RPL37: variants seen among roughly 807,000 people sequenced by gnomAD.
The protein encoded by RPL37 is ribosomal protein L37.
Under a neutral mutation model 14.8 loss-of-function variants are expected in RPL37, and 1 was observed. That is an observed-to-expected ratio of 0.07 (90% CI 0.02 to 0.32). The LOEUF is 0.32. Ranked by LOEUF, RPL37 falls within the 10% of genes least tolerant of loss-of-function variation. The pLI, the probability that RPL37 is intolerant of heterozygous loss-of-function variation, is 1.00. For missense variants in RPL37, 100 were observed against 128.3 expected (o/e 0.78, Z 1.06); for synonymous variants, 53 against 45.8 (o/e 1.16, Z -0.63).
rs1745659100 is a variant in RPL37 at position 40,832,321 on chromosome 5, T to G, written c.*183A>C. 3.1e-6 allele frequency: 2 copies of G among 648,168 alleles called. No individual in the cohort carries two copies. Among genetic ancestry groups the G allele is most frequent in the African/African-American group, 3.6e-5 (2 of 55,372 alleles). The allele number at this position is 648,168 out of a possible 1,614,324, so 40.2% of individuals were successfully genotyped here. ...GCCTTTAACCGTGTTACAAACCCAGTCCAAAAGTAAACATTCCAAAACAGT... is the reference window on the plus strand; with the variant it reads ...GCCTTTAACCGTGTTACAAACCCAGGCCAAAAGTAAACATTCCAAAACAGT... On this transcript the variant is annotated 3_prime_UTR_variant, in exon 4 of 4. Transcript: ENST00000274242.
chr5:40,833,185 T>C (rs944715792), intron 3 of RPL37, among the ~76,000 whole-genome samples: 8 of 152,194 alleles, frequency 5.3e-5, no homozygotes, highest in African/African-American at 1.7e-4. Flanking sequence ...AACACACCTA[T>C]GGGTGTCTAC....
rs1419936081 is a variant in RPL37, at chr5:40,832,434, T to C, written c.*70A>G. Reference sequence around the variant, plus strand: ...TACTACAAGCCTAATTGATTAAAAATACCTTACCAAAACCAGATATGTATT... The same window carrying C: ...TACTACAAGCCTAATTGATTAAAAACACCTTACCAAAACCAGATATGTATT... On this transcript the variant is annotated 3_prime_UTR_variant, in exon 4 of 4. Transcript: ENST00000274242. The C allele has an allele frequency of 1.5e-6, 2 of 1,341,034 alleles. No homozygotes were observed. The highest frequency in any genetic ancestry group is 2.1e-6 in the Non-Finnish European group (2 of 933,308). 83.1% of individuals were successfully genotyped at this position (1,341,034 alleles called of 1,614,324 possible).
chr5:40,832,567 T>C lies in RPL37; in HGVS notation c.231A>G (p.Gly77=), dbSNP rs1218241747. The C allele has an allele frequency of 1.2e-6, 2 of 1,613,888 alleles. No homozygotes were observed. Among genetic ancestry groups the C allele is most frequent in the Non-Finnish European group, 1.7e-6 (2 of 1,179,740 alleles). The change falls in exon 4 of 4, where the codon GGA becomes GGG. Residue 77 remains glycine (G), a synonymous_variant. Coordinates refer to ENST00000274242, the MANE Select transcript of RPL37 (RefSeq NM_000997.5). ...GTTTAGGTGTTGTTCCTTCACGGAA[T>C]CCATGCCTGCAGGATGTCAAAAACA... ...LKIVYRRFRH[G]FREGTTPKPK...
At position 40,829,057 on chromosome 5, in the gene RPL37, T is replaced by C. The variant is rs1008211287; in HGVS notation, c.*3447A>G. ...CATCGATGAACTCAAGCCCTCTTGC[T>C]TACTCTGACTTCTACATGCCTATCA... On this transcript the variant is annotated 3_prime_UTR_variant, in exon 4 of 4. Transcript: ENST00000274242. 4 of 152,344 alleles carry C rather than the reference T, an allele frequency of 2.6e-5. No individual in the cohort carries two copies. Among genetic ancestry groups the C allele is most frequent in the African/African-American group, 4.8e-5 (2 of 41,574 alleles). 9.4% of individuals were successfully genotyped at this position (152,344 alleles called of 1,614,324 possible).
chr5:40,830,812 G>C lies in RPL37; in HGVS notation c.*1692C>G, dbSNP rs189043813. 5.3e-5 allele frequency: 8 copies of C among 151,910 alleles called. No homozygotes were observed. Among genetic ancestry groups the C allele is most frequent in the African/African-American group, 1.9e-4 (8 of 41,406 alleles). 9.4% of individuals were successfully genotyped at this position (151,910 alleles called of 1,614,324 possible). ...ACCGGCCTCAAGGGTTGTTTATATG[G>C]GGGTCAGGGTACCTTCACTAGACTT... On this transcript the variant is annotated 3_prime_UTR_variant, in exon 4 of 4. Transcript: ENST00000274242.
chr5:40,833,796 G>A, intron 3 of RPL37: 1 of 166,838 alleles, frequency 6.0e-6, no homozygotes, highest in South Asian at 1.4e-4. Flanking sequence ...GGTTACAGCG[G>A]CAGAAGATAA....
In RPL37 at chr5:40,826,057, T is replaced by C. The variant is rs1156672302; in HGVS notation, c.*6447A>G. On this transcript the variant is annotated 3_prime_UTR_variant, in exon 4 of 4. Coordinates refer to ENST00000274242, the MANE Select transcript of RPL37 (RefSeq NM_000997.5). Reference sequence around the variant, plus strand: ...CTGTCCTCACTTGAGGAAGCTGGCCTTTCTCCTGTACTGTTTTACCAGTTG... The same window carrying C: ...CTGTCCTCACTTGAGGAAGCTGGCCCTTCTCCTGTACTGTTTTACCAGTTG... 6.6e-6 allele frequency: 1 copy of C among 152,210 alleles called. No homozygotes were observed. The highest frequency in any genetic ancestry group is 2.4e-5 in the African/African-American group (1 of 41,456). 9.4% of individuals were successfully genotyped at this position (152,210 alleles called of 1,614,324 possible).
rs749420384 is a variant in RPL37, at chr5:40,831,782, A to G, written c.*722T>C. On this transcript the variant is annotated 3_prime_UTR_variant, in exon 4 of 4. Transcript: ENST00000274242. ...CCAATTACCAAGTTGAGGGCTAAAAAAATTCGACCAAGTAGTCCCACATCA... is the reference window on the plus strand; with the variant it reads ...CCAATTACCAAGTTGAGGGCTAAAAGAATTCGACCAAGTAGTCCCACATCA... The G allele has an allele frequency of 3.3e-5, 5 of 152,334 alleles. No individual in the cohort carries two copies. The highest frequency in any genetic ancestry group is 7.3e-5 in the Non-Finnish European group (5 of 68,040). 9.4% of individuals were successfully genotyped at this position (152,334 alleles called of 1,614,324 possible). A position where few individuals can be genotyped will look rare whatever the true frequency, so the allele number is the denominator to read the frequency against.
Position 40,832,237 on chromosome 5 carries a change from A to G in RPL37, c.*267T>C, listed in dbSNP as rs917504842. The stretch of plus-strand genomic sequence containing the variant: ...ATGAGCTGTGCTATTTTAATCTGCT[A>G]TATTGTCTTCCAGTGCCCTCTGCTT... On this transcript the variant is annotated 3_prime_UTR_variant, in exon 4 of 4. Transcript: ENST00000274242. 91 of 450,322 alleles carry G rather than the reference A, an allele frequency of 2.0e-4. No homozygotes were observed. Among genetic ancestry groups the G allele is most frequent in the Non-Finnish European group, 3.5e-4 (84 of 240,634 alleles). 27.9% of individuals were successfully genotyped at this position (450,322 alleles called of 1,614,324 possible). A position where few individuals can be genotyped will look rare whatever the true frequency, so the allele number is the denominator to read the frequency against.
At position 40,831,661 on chromosome 5, in the gene RPL37, A is replaced by C. The variant is rs1248925794; in HGVS notation, c.*843T>G. ...GCAGTCCAGTTGACTTTGTCCCTTC[A>C]TTTTAAAAAAACAAAAAAAACCCCC... On this transcript the variant is annotated 3_prime_UTR_variant, in exon 4 of 4. Coordinates refer to ENST00000274242, the MANE Select transcript of RPL37 (RefSeq NM_000997.5). 1 of 152,256 alleles carries C rather than the reference A, an allele frequency of 6.6e-6. No individual in the cohort carries two copies. The highest frequency in any genetic ancestry group is 1.5e-5 in the Non-Finnish European group (1 of 68,020). 9.4% of individuals were successfully genotyped at this position (152,256 alleles called of 1,614,324 possible).
intron 1 of RPL37, chr5:40,834,940 T>C (rs905238902): frequency 2.4e-5 from 15 of 625,178 alleles, no homozygotes; most frequent in Non-Finnish European, 4.2e-5. Context: ...CCGTGAAAGG[T>C]CTCCAAAGGT....
rs1284554852 is a variant in RPL37, at chr5:40,826,906, T to G, written c.*5598A>C. The G allele has an allele frequency of 6.6e-6, 1 of 152,180 alleles. No homozygotes were observed. Among genetic ancestry groups the G allele is most frequent in the Non-Finnish European group, 1.5e-5 (1 of 68,082 alleles). 9.4% of individuals were successfully genotyped at this position (152,180 alleles called of 1,614,324 possible). ...AATCCTTCCACCTCAGCTCCCTGAG[T>G]AGCTGGGACTACAGGCACATACCAC... On this transcript the variant is annotated 3_prime_UTR_variant, in exon 4 of 4. Transcript: ENST00000274242.
chr5:40,835,006 G>T, intron 1 of RPL37, 177 bp downstream of exon 1: 4 of 802,338 alleles, frequency 5.0e-6, no homozygotes, highest in Non-Finnish European at 8.1e-6. Flanking sequence ...GGCGGGATAG[G>T]TCCCCCAGGC....
rs903839910 is a variant in RPL37 at position 40,828,077 on chromosome 5, T to C, written c.*4427A>G. 4 of 152,250 alleles carry C rather than the reference T, an allele frequency of 2.6e-5. No individual in the cohort carries two copies. The East Asian group carries it at 7.7e-4, about 29-fold the overall frequency. 9.4% of individuals were successfully genotyped at this position (152,250 alleles called of 1,614,324 possible). A position where few individuals can be genotyped will look rare whatever the true frequency, so the allele number is the denominator to read the frequency against. ...CTGTAATGTATTGCTTTGCTTTTCT[T>C]ACATGAAGTTATGCTATTACAAAAT... On this transcript the variant is annotated 3_prime_UTR_variant, in exon 4 of 4. Transcript: ENST00000274242.
In RPL37 at chr5:40,825,466, C is replaced by T. The variant is rs149619730; in HGVS notation, c.*7038G>A. The T allele has an allele frequency of 6.6e-6, 1 of 152,164 alleles. No homozygotes were observed. The highest frequency in any genetic ancestry group is 1.5e-5 in the Non-Finnish European group (1 of 68,034). 9.4% of individuals were successfully genotyped at this position (152,164 alleles called of 1,614,324 possible). A position where few individuals can be genotyped will look rare whatever the true frequency, so the allele number is the denominator to read the frequency against. ...CACAGGGGTACGTTCCCAGAGGTTT[C>T]TCTCTCTAGAGCAATCCCTAATAGG... On this transcript the variant is annotated 3_prime_UTR_variant, in exon 4 of 4. Coordinates refer to ENST00000274242, the MANE Select transcript of RPL37 (RefSeq NM_000997.5).
At chr5:40,835,022 T>G in intron 1 of RPL37, 161 bp downstream of exon 1, 1 of 899,776 alleles carries the variant, frequency 1.1e-6, no homozygotes, top group Non-Finnish European at 1.7e-6. Flanking sequence ...CAGGCACCAG[T>G]TAGCAGTCAT....
chr5:40,830,243 T>C lies in RPL37; in HGVS notation c.*2261A>G, dbSNP rs528130193. The C allele has an allele frequency of 1.3e-5, 2 of 152,160 alleles. No homozygotes were observed. Among genetic ancestry groups the C allele is most frequent in the African/African-American group, 2.4e-5 (1 of 41,486 alleles). The allele number at this position is 152,160 out of a possible 1,614,324, so 9.4% of individuals were successfully genotyped here. On this transcript the variant is annotated 3_prime_UTR_variant, in exon 4 of 4. Coordinates refer to ENST00000274242, the MANE Select transcript of RPL37 (RefSeq NM_000997.5). ...TAAAAGCATAATTTCTGCTGAAAAA[T>C]TTAAAGTATAATGGGTATCTATACA...
Position 40,832,433 on chromosome 5 carries a change from A to G in RPL37, c.*71T>C. 2.2e-6 allele frequency: 3 copies of G among 1,338,602 alleles called. No individual in the cohort carries two copies. The South Asian group carries it at 3.5e-5, about 16-fold the overall frequency. The allele number at this position is 1,338,602 out of a possible 1,614,324, so 82.9% of individuals were successfully genotyped here. On this transcript the variant is annotated 3_prime_UTR_variant, in exon 4 of 4. Coordinates refer to ENST00000274242, the MANE Select transcript of RPL37 (RefSeq NM_000997.5). ...ATACTACAAGCCTAATTGATTAAAA[A>G]TACCTTACCAAAACCAGATATGTAT...
rs533413923 is a variant in RPL37 at position 40,826,235 on chromosome 5, CT to C, written c.*6268del. ...ATTTGCAGAGCTACATAAATATAAC[CT>C]TATTAGAATGGGATTTTTCCTACTT... is the stretch of plus-strand genomic sequence containing the variant. On this transcript the variant is annotated 3_prime_UTR_variant, in exon 4 of 4. Coordinates refer to ENST00000274242, the MANE Select transcript of RPL37 (RefSeq NM_000997.5). 7.9e-5 allele frequency: 12 copies of C among 152,200 alleles called. No individual in the cohort carries two copies. In the East Asian group the frequency reaches 2.1e-3, roughly 27 times the overall value. 9.4% of individuals were successfully genotyped at this position (152,200 alleles called of 1,614,324 possible). A position where few individuals can be genotyped will look rare whatever the true frequency, so the allele number is the denominator to read the frequency against.
Sources: gnomAD v4.1 joint callset for allele counts (sites outside exome capture counted in the v4.1 genomes callset) on GRCh38, gnomAD v4.1.1 for gene constraint, MANE v1.5 for transcripts, NCBI Gene and HGNC (gene_info 2026-07-23, HGNC 2026-07-21) for gene names.